BRWD3: variants seen among roughly 807,000 people sequenced by gnomAD.
BRWD3 encodes bromodomain and WD repeat-containing protein 3.
In BRWD3, 10 loss-of-function variants were observed where a neutral mutation model predicts 149.7. The ratio of observed to expected loss-of-function variants is 0.07; its 90% CI spans 0.04 to 0.11. The LOEUF is 0.11. Ranked by LOEUF, BRWD3 falls within the 10% of genes least tolerant of loss-of-function variation. The pLI is 1.00. For synonymous variants in BRWD3, 504 were observed against 456.7 expected (o/e 1.10, Z -1.32); for missense variants, 940 against 1,373.2 (o/e 0.68, Z 4.99).
intron 29 of BRWD3, 37 bp from the exon 30 acceptor site, chrX:80,692,015 T>A (rs771553689): frequency 1.9e-5 from 22 of 1,176,531 alleles, no homozygotes; most frequent in Non-Finnish European, 2.5e-5. Context: ...TTAGAAAAAA[T>A]TATTTTCCAA....
In BRWD3 at chrX:80,691,038, TAAAA is replaced by T. The variant is rs747652821; in HGVS notation, c.3602+11_3602+14del. The T allele has an allele frequency of 1.7e-6, 2 of 1,182,768 alleles. No individual in the cohort carries two copies. Among genetic ancestry groups the T allele is most frequent in the Non-Finnish European group, 2.3e-6 (2 of 875,622 alleles). On this transcript the variant is annotated intron_variant, in intron 31 of 40. Transcript: ENST00000373275. The stretch of plus-strand genomic sequence containing the variant: ...AGCTATAAATTTTATAATAAGTGAT[TAAAA>T]AAAAACAGACCTGTAAAAGCGATTT...
intron 6 of BRWD3, among the ~76,000 whole-genome samples, chrX:80,768,891 C>T: frequency 9.2e-6 from 1 of 108,926 alleles, no homozygotes; most frequent in South Asian, 4.0e-4. Context: ...GGAAGATCTA[C>T]CAAGCAAATG....
intron 14 of BRWD3, among the ~76,000 whole-genome samples, chrX:80,726,088 C>CATAT (rs1272787393): frequency 4.7e-5 from 5 of 105,821 alleles, no homozygotes; most frequent in Non-Finnish European, 9.8e-5. Flanking sequence ...GTCTGTATAA[C>CATAT]AACATGTTTA....
intron 19 of BRWD3, chrX:80,716,871 CT>C (rs746880505): frequency 1.6e-3 from 167 of 105,373 alleles, no homozygotes; most frequent in South Asian, 6.2e-3. Flanking sequence ...TTAATTATGT[CT>C]TTTTTTTTTT....
intron 20 of BRWD3, among the ~76,000 whole-genome samples, chrX:80,712,572 C>G (rs1462256508): frequency 1.8e-5 from 2 of 110,413 alleles, no homozygotes; most frequent in African/African-American, 3.4e-5. Context: ...GGCCGCCACC[C>G]TGTCTGGGAA....
intron 8 of BRWD3, among the ~76,000 whole-genome samples, chrX:80,740,125 C>G (rs1486807546): frequency 2.7e-5 from 3 of 111,491 alleles, no homozygotes; most frequent in African/African-American, 9.8e-5. Context: ...TCAACACACA[C>G]TGAACCCAAT....
intron 17 of BRWD3, among the ~76,000 whole-genome samples, chrX:80,722,342 T>C (rs913403829): frequency 8.9e-6 from 1 of 111,773 alleles, no homozygotes; most frequent in Non-Finnish European, 1.9e-5. Context: ...ATCTGCTTGA[T>C]GCTTATGTTT....
chrX:80,710,168 C>T (rs1404533456), intron 20 of BRWD3: 37 of 504,871 alleles, frequency 7.3e-5, no homozygotes, highest in South Asian at 5.2e-4. Context: ...TAAACTGTTA[C>T]GTAATTTTAT....
chrX:80,698,025 C>T (rs1055149537), intron 25 of BRWD3, among the ~76,000 whole-genome samples: 2 of 111,998 alleles, frequency 1.8e-5, no homozygotes, highest in African/African-American at 6.5e-5. Context: ...GAGATGGTAT[C>T]TTGTGGCTTT....
intron 14 of BRWD3, 94 bp downstream of exon 14, chrX:80,728,658 A>G (rs908776805): frequency 9.1e-6 from 7 of 770,490 alleles, no homozygotes; most frequent in Non-Finnish European, 1.3e-5. Context: ...CTAGTATAGT[A>G]TATCATAGAA....
Position 80,808,604 on chromosome X carries a change from G to A in BRWD3, c.121-6C>T. 1 of 1,207,757 alleles carries A rather than the reference G, an allele frequency of 8.3e-7. No individual in the cohort carries two copies. Among genetic ancestry groups the A allele is most frequent in the Non-Finnish European group, 1.1e-6 (1 of 892,913 alleles). ...TCTAAGCGGCGCGGAATCAGCTGGG[G>A]GCCGGACGAAAAGAAAGGGGGAAGC... On this transcript the variant is annotated splice_region_variant and splice_polypyrimidine_tract_variant and intron_variant, in intron 3 of 40. Coordinates refer to ENST00000373275, the MANE Select transcript of BRWD3 (RefSeq NM_153252.5).
At chrX:80,794,456 G>T (rs1044400067) in intron 4 of BRWD3, among the ~76,000 whole-genome samples, 1 of 109,314 alleles carries the variant, frequency 9.1e-6, no homozygotes, top group African/African-American at 3.3e-5. Flanking sequence ...AGTGAGCTGA[G>T]ATTGCACCAC....
intron 6 of BRWD3, among the ~76,000 whole-genome samples, chrX:80,752,826 A>G (rs772658907): frequency 9.0e-6 from 1 of 110,576 alleles, no homozygotes; most frequent in Non-Finnish European, 1.9e-5. Flanking sequence ...CACCACACCC[A>G]GCTAATTTTT....
chrX:80,693,943 G>T (rs2072646043), intron 27 of BRWD3, among the ~76,000 whole-genome samples: 1 of 111,792 alleles, frequency 8.9e-6, no homozygotes, highest in South Asian at 3.8e-4. Context: ...GTAACTAGGA[G>T]CCAAATGTTA....
At chrX:80,768,746 T>C (rs182042927) in intron 6 of BRWD3, among the ~76,000 whole-genome samples, 59 of 111,057 alleles carry the variant, frequency 5.3e-4, no homozygotes, top group African/African-American at 1.8e-3. Flanking sequence ...ACCTTAAATG[T>C]AAATGGGCTA....
At chrX:80,770,094 T>C (rs2073918786) in intron 6 of BRWD3, among the ~76,000 whole-genome samples, 1 of 111,513 alleles carries the variant, frequency 9.0e-6, no homozygotes, top group African/African-American at 3.3e-5. Context: ...GGCTCTAAAA[T>C]TGAGGCAATA....
At chrX:80,684,889 T>A (rs1430057896) in intron 36 of BRWD3, among the ~76,000 whole-genome samples, 1 of 110,939 alleles carries the variant, frequency 9.0e-6, no homozygotes, top group African/African-American at 3.3e-5. Flanking sequence ...CTTATTGTAT[T>A]TAGAATCATC....
intron 6 of BRWD3, among the ~76,000 whole-genome samples, chrX:80,770,698 G>T (rs189767665): frequency 8.9e-6 from 1 of 111,967 alleles, no homozygotes; most frequent in East Asian, 2.8e-4. Context: ...GGACAAGACA[G>T]GGATGCCCTC....
At chrX:80,779,231 C>T (rs1162098763) in intron 6 of BRWD3, among the ~76,000 whole-genome samples, 2 of 110,951 alleles carry the variant, frequency 1.8e-5, no homozygotes, top group Non-Finnish European at 3.8e-5. Flanking sequence ...AGGAGAATCG[C>T]TTGAACCCAG....
Sources: allele counts gnomAD v4.1 joint callset (sites outside exome capture counted in the v4.1 genomes callset), GRCh38; gene constraint gnomAD v4.1.1; transcripts MANE v1.5; gene names NCBI Gene and HGNC (gene_info 2026-07-23, HGNC 2026-07-21).